Variants in PLPPR1 observed in about 807,000 individuals in gnomAD.
PLPPR1 encodes phospholipid phosphatase-related protein type 1.
A neutral mutation model predicts 33.1 loss-of-function variants in PLPPR1; 10 were observed. That is an observed-to-expected ratio of 0.30 (90% CI 0.19 to 0.51). The LOEUF (loss-of-function observed/expected upper bound fraction) is 0.51. Among genes scored for constraint, PLPPR1 ranks in the 20% least tolerant of loss-of-function variants. PLPPR1 has a pLI of 0.97. For synonymous variants in PLPPR1, 151 were observed against 151.0 expected, an observed-to-expected ratio of 1.00 and a Z score of 0.00; for missense variants, 304 against 408.1, an observed-to-expected ratio of 0.74 and a Z score of 2.20.
chr9:101,052,822 A>C (rs1830238700), intron 1 of PLPPR1, among the ~76,000 whole-genome samples: 1 of 152,156 alleles, frequency 6.6e-6, no homozygotes, highest in Non-Finnish European at 1.5e-5. Context: ...CTTAAAAGAA[A>C]ATCTTCCACA....
chr9:101,071,663 G>A (rs1184657738), intron 1 of PLPPR1, among the ~76,000 whole-genome samples: 1 of 151,522 alleles, frequency 6.6e-6, no homozygotes, highest in African/African-American at 2.4e-5. Flanking sequence ...TTCAGCTAGG[G>A]ATTCAGGGGA....
intron 1 of PLPPR1, among the ~76,000 whole-genome samples, chr9:101,175,140 T>C (rs1194929941): frequency 6.6e-6 from 1 of 152,038 alleles, no homozygotes; most frequent in Non-Finnish European, 1.5e-5. Flanking sequence ...CTGAAATGCT[T>C]CTCTCTCTCA....
intron 2 of PLPPR1, among the ~76,000 whole-genome samples, chr9:101,235,471 A>AT (rs1307497147): frequency 6.6e-6 from 1 of 151,856 alleles, no homozygotes; most frequent in African/African-American, 2.4e-5. Context: ...CTTTAACAAA[A>AT]TTTTTTTAAA....
rs541452139 is a variant in PLPPR1 at position 101,238,114 on chromosome 9, CGT to C, written c.64-31759_64-31758del. Reference sequence around the variant, plus strand: ...TACATACATATATATAGCCTATATACGTGTGTGTATATATATACATATACACA... The same window carrying C: ...TACATACATATATATAGCCTATATACGTGTGTATATATATACATATACACA... On this transcript the variant is annotated intron_variant, in intron 2 of 7. Coordinates refer to ENST00000374874, the MANE Select transcript of PLPPR1 (RefSeq NM_207299.2). Among the ~76,000 whole-genome samples, 173 of 133,274 alleles carry C rather than the reference CGT, an allele frequency of 1.3e-3. 1 individual carries two copies. In the East Asian group the frequency reaches 0.02, roughly 15 times the overall value. 87.4% of individuals were successfully genotyped at this position (133,274 alleles called of 152,430 possible). A position where few individuals can be genotyped will look rare whatever the true frequency, so the allele number is the denominator to read the frequency against.
chr9:101,254,916 G>C (rs1489808085), intron 2 of PLPPR1, among the ~76,000 whole-genome samples: 2 of 151,976 alleles, frequency 1.3e-5, no homozygotes, highest in African/African-American at 4.8e-5. Context: ...GGGTTATAGG[G>C]CATATGCACA....
chr9:101,152,160 A>AT (rs1186464872), intron 1 of PLPPR1, among the ~76,000 whole-genome samples: 1 of 152,154 alleles, frequency 6.6e-6, no homozygotes, highest in African/African-American at 2.4e-5. Context: ...GATAATGAGC[A>AT]TTTTTTCATG....
At chr9:101,224,866 G>A (rs1338016310) in intron 2 of PLPPR1, among the ~76,000 whole-genome samples, 1 of 152,128 alleles carries the variant, frequency 6.6e-6, no homozygotes, top group African/African-American at 2.4e-5. Context: ...GTCCTGTCCA[G>A]GGCTGGTTCC....
intron 2 of PLPPR1, among the ~76,000 whole-genome samples, chr9:101,186,258 A>T (rs1826201346): frequency 6.6e-6 from 1 of 151,888 alleles, no homozygotes; most frequent in South Asian, 2.1e-4. Context: ...TTATCTCAAA[A>T]TAAGATGTTG....
At chr9:101,252,166 A>T (rs1399434830) in intron 2 of PLPPR1, among the ~76,000 whole-genome samples, 1 of 152,158 alleles carries the variant, frequency 6.6e-6, no homozygotes, top group Non-Finnish European at 1.5e-5. Context: ...AAAGTGAAAT[A>T]AAAAAATTCC....
At chr9:101,041,767 A>G (rs985924698) in intron 1 of PLPPR1, among the ~76,000 whole-genome samples, 6 of 152,166 alleles carry the variant, frequency 3.9e-5, no homozygotes, top group African/African-American at 1.4e-4. Flanking sequence ...CCTGAAAAAC[A>G]TAAGTCTGAG....
chr9:101,029,906 C>A (rs988422443), intron 1 of PLPPR1, among the ~76,000 whole-genome samples: 5 of 152,196 alleles, frequency 3.3e-5, no homozygotes, highest in Admixed American at 3.3e-4. Context: ...TTTATCCTCT[C>A]CCAACCCATT....
intron 2 of PLPPR1, among the ~76,000 whole-genome samples, chr9:101,225,109 G>A (rs944934664): frequency 4.6e-5 from 7 of 152,038 alleles, no homozygotes; most frequent in South Asian, 4.1e-4. Flanking sequence ...TTTGTTGTAC[G>A]TCATTTTGCT....
chr9:101,276,884 A>C (rs1375307846), intron 3 of PLPPR1, among the ~76,000 whole-genome samples: 1 of 152,224 alleles, frequency 6.6e-6, no homozygotes. Flanking sequence ...GGTTCCATTT[A>C]AGCCTTGAGC....
chr9:101,318,057 A>G (rs1157556494), intron 7 of PLPPR1, among the ~76,000 whole-genome samples: 2 of 152,296 alleles, frequency 1.3e-5, no homozygotes, highest in East Asian at 3.9e-4. Context: ...AGGAGCAGGC[A>G]TGGTGGCTCA....
intron 3 of PLPPR1, among the ~76,000 whole-genome samples, chr9:101,284,633 C>CTG (rs1828359614): frequency 6.6e-6 from 1 of 152,142 alleles, no homozygotes; most frequent in African/African-American, 2.4e-5. Flanking sequence ...TACTATCTGT[C>CTG]TGTGTGTGTC....
intron 4 of PLPPR1, among the ~76,000 whole-genome samples, chr9:101,289,803 A>G (rs576805719): frequency 1.3e-5 from 2 of 152,274 alleles, no homozygotes; most frequent in East Asian, 3.9e-4. Flanking sequence ...AAATCGCCCA[A>G]CCTCAGGTAT....
At chr9:101,033,850 C>T (rs1315144783) in intron 1 of PLPPR1, among the ~76,000 whole-genome samples, 1 of 152,184 alleles carries the variant, frequency 6.6e-6, no homozygotes, top group East Asian at 1.9e-4. Context: ...AGCCCATTTT[C>T]ATAATTGTAC....
intron 1 of PLPPR1, among the ~76,000 whole-genome samples, chr9:101,098,803 T>C (rs1830855358): frequency 6.6e-6 from 1 of 152,180 alleles, no homozygotes; most frequent in Admixed American, 6.5e-5. Flanking sequence ...TGGGTACTTT[T>C]GTGGTCTTGG....
chr9:101,281,057 A>G (rs1331152638), intron 3 of PLPPR1, among the ~76,000 whole-genome samples: 1 of 151,652 alleles, frequency 6.6e-6, no homozygotes, highest in African/African-American at 2.4e-5. Context: ...TAGAACTGAT[A>G]CATAAATTCA....
Sources: allele counts gnomAD v4.1 joint callset (sites outside exome capture counted in the v4.1 genomes callset), GRCh38; gene constraint gnomAD v4.1.1; transcripts MANE v1.5; gene names NCBI Gene and HGNC (gene_info 2026-07-23, HGNC 2026-07-21).